NRXN3: variants seen among roughly 807,000 people sequenced by gnomAD.
The protein encoded by NRXN3 is neurexin III.
Under a neutral mutation model 137.6 loss-of-function variants are expected in NRXN3, and 32 were observed. The ratio of observed to expected loss-of-function variants is 0.23; its 90% confidence interval spans 0.18 to 0.31. The LOEUF is 0.31. Among genes scored for constraint, NRXN3 ranks in the 10% least tolerant of loss-of-function variants. The pLI is 1.00. For synonymous variants in NRXN3, 798 were observed against 784.5 expected, an observed-to-expected ratio of 1.02 and a Z score of -0.29; for missense variants, 1,574 against 2,062.5, an observed-to-expected ratio of 0.76 and a Z score of 4.59.
At chr14:78,385,207 A>G (rs1436252201) in intron 4 of NRXN3, among the ~76,000 whole-genome samples, 1 of 152,076 alleles carries the variant, frequency 6.6e-6, no homozygotes, top group Non-Finnish European at 1.5e-5. Context: ...TCAAAATGCT[A>G]ATGAGGGATA....
intron 16 of NRXN3, among the ~76,000 whole-genome samples, chr14:79,477,619 T>A (rs1160629391): frequency 6.6e-6 from 1 of 152,112 alleles, no homozygotes; most frequent in African/African-American, 2.4e-5. Flanking sequence ...AAGGAAGACA[T>A]TTAAAGATTT....
intron 17 of NRXN3, among the ~76,000 whole-genome samples, chr14:79,666,955 C>A (rs1411468065): frequency 1.3e-5 from 2 of 151,956 alleles, no homozygotes; most frequent in African/African-American, 2.4e-5. Context: ...TATACTAGAT[C>A]GAGGTTTATG....
At chr14:79,611,740 T>C (rs1444802976) in intron 16 of NRXN3, 1 of 152,246 alleles carries the variant, frequency 6.6e-6, no homozygotes, top group African/African-American at 2.4e-5. Context: ...GTTCAGTGGT[T>C]TCAAGTTTTG....
intron 4 of NRXN3, among the ~76,000 whole-genome samples, chr14:78,405,544 A>G (rs935012330): frequency 2.1e-5 from 3 of 139,764 alleles, no homozygotes; most frequent in East Asian, 4.5e-4. Flanking sequence ...CACTGGCCAC[A>G]GTTTATATAC....
intron 14 of NRXN3, among the ~76,000 whole-genome samples, chr14:78,972,233 TAA>T (rs1271986462): frequency 6.6e-6 from 1 of 152,190 alleles, no homozygotes; most frequent in Non-Finnish European, 1.5e-5. Flanking sequence ...TTGCAGATGA[TAA>T]ACATCTGAAA....
intron 15 of NRXN3, among the ~76,000 whole-genome samples, chr14:79,168,188 G>T (rs920740691): frequency 6.6e-6 from 1 of 151,912 alleles, no homozygotes; most frequent in Admixed American, 6.6e-5. Context: ...TCAATCCCAC[G>T]TTGGGGAAGA....
At chr14:78,471,277 TCTTCAACAC>T (rs1347029641) in intron 4 of NRXN3, among the ~76,000 whole-genome samples, 2 of 145,480 alleles carry the variant, frequency 1.4e-5, no homozygotes, top group Non-Finnish European at 1.5e-5. Flanking sequence ...CCCTTTCTTC[TCTTCAACAC>T]ACTCAACACA....
At chr14:79,012,549 G>A (rs748062411) in intron 15 of NRXN3, among the ~76,000 whole-genome samples, 3 of 152,112 alleles carry the variant, frequency 2.0e-5, no homozygotes, top group Non-Finnish European at 4.4e-5. Context: ...ACTAAATTGA[G>A]CATGATCTAT....
At chr14:79,049,537 G>A (rs2099638886) in intron 15 of NRXN3, among the ~76,000 whole-genome samples, 2 of 152,082 alleles carry the variant, frequency 1.3e-5, no homozygotes, top group Non-Finnish European at 2.9e-5. Flanking sequence ...CCAAACTCCC[G>A]TGAATGTTGA....
chr14:79,439,683 A>C (rs2095900688), intron 15 of NRXN3, among the ~76,000 whole-genome samples: 1 of 152,178 alleles, frequency 6.6e-6, no homozygotes, highest in Admixed American at 6.5e-5. Flanking sequence ...CTATATCTCA[A>C]AGAATTATTT....
At chr14:79,416,022 G>A (rs1599949935) in intron 15 of NRXN3, among the ~76,000 whole-genome samples, 1 of 152,202 alleles carries the variant, frequency 6.6e-6, no homozygotes, top group African/African-American at 2.4e-5. Context: ...AGAGGAGGCA[G>A]CATATCAGAA....
At chr14:78,867,474 G>A (rs2152554296) in intron 10 of NRXN3, among the ~76,000 whole-genome samples, 1 of 152,234 alleles carries the variant, frequency 6.6e-6, no homozygotes, top group Non-Finnish European at 1.5e-5. Flanking sequence ...TCAGTGCTAG[G>A]TAATGGAGCT....
At chr14:79,781,199 TCTATTTAATTC>T (rs2099112784) in intron 19 of NRXN3, among the ~76,000 whole-genome samples, 1 of 152,212 alleles carries the variant, frequency 6.6e-6, no homozygotes, top group Admixed American at 6.5e-5. Context: ...TTTCCGCTTA[TCTATTTAATTC>T]CTGATCACTA....
rs201314931 is a variant in NRXN3, at chr14:78,310,260, CTTTTT to C, written c.757+12418_757+12422del. Among the ~76,000 whole-genome samples, 272 of 125,676 alleles carry C rather than the reference CTTTTT, an allele frequency of 2.2e-3. 1 individual carries two copies. The highest frequency in any genetic ancestry group is 2.4e-3 in the East Asian group (11 of 4,550). 82.4% of individuals were successfully genotyped at this position (125,676 alleles called of 152,430 possible). A position where few individuals can be genotyped will look rare whatever the true frequency, so the allele number is the denominator to read the frequency against. On this transcript the variant is annotated intron_variant, in intron 4 of 20. Transcript: ENST00000335750. ...ATCCTGAGAGTCTGGTTATGAATGG[CTTTTT>C]TTTTTTTTTTTTTTTTTCCAGACAG...
At chr14:78,613,341 C>T (rs1237659811) in intron 4 of NRXN3, among the ~76,000 whole-genome samples, 1 of 152,140 alleles carries the variant, frequency 6.6e-6, no homozygotes, top group African/African-American at 2.4e-5. Context: ...CATATTTTTA[C>T]ATGTTTCATT....
chr14:79,239,509 G>A (rs955892620), intron 15 of NRXN3, among the ~76,000 whole-genome samples: 5 of 152,120 alleles, frequency 3.3e-5, no homozygotes, highest in Non-Finnish European at 7.4e-5. Context: ...TACAAAAAAA[G>A]TAGAGAAGAG....
chr14:79,647,400 G>C lies in NRXN3; in HGVS notation c.3445-16378G>C, dbSNP rs113000443. ...TTAAATGTACCTTTCTATACGGAACGGTCTGCTGTCATGCAACTTTCAAAT... is the reference window on the plus strand; with the variant it reads ...TTAAATGTACCTTTCTATACGGAACCGTCTGCTGTCATGCAACTTTCAAAT... On this transcript the variant is annotated intron_variant, in intron 16 of 20. Transcript: ENST00000335750. Among the ~76,000 whole-genome samples, 14 of 135,312 alleles carry C rather than the reference G, an allele frequency of 1.0e-4. 1 individual carries two copies. The highest frequency in any genetic ancestry group is 3.2e-4 in the African/African-American group (13 of 40,720). 88.8% of individuals were successfully genotyped at this position (135,312 alleles called of 152,430 possible). A position where few individuals can be genotyped will look rare whatever the true frequency, so the allele number is the denominator to read the frequency against.
intron 4 of NRXN3, among the ~76,000 whole-genome samples, chr14:78,302,714 CTCCCTGTTTGTTAACGCAT>C (rs1293559556): frequency 2.0e-5 from 3 of 152,220 alleles, no homozygotes; most frequent in Non-Finnish European, 4.4e-5. Context: ...TTTATGATGT[CTCCCTGTTTGTTAACGCAT>C]TTCCCACCTG....
chr14:78,265,778 C>T (rs920865122), intron 2 of NRXN3, among the ~76,000 whole-genome samples: 10 of 152,200 alleles, frequency 6.6e-5, no homozygotes, highest in African/African-American at 2.4e-4. Context: ...GTTAATTCCT[C>T]TCTCTTGGAT....
Sources: allele counts gnomAD v4.1 joint callset (sites outside exome capture counted in the v4.1 genomes callset), GRCh38; gene constraint gnomAD v4.1.1; transcripts MANE v1.5; gene names NCBI Gene and HGNC (gene_info 2026-07-23, HGNC 2026-07-21).